PLEKHH3: variants seen among roughly 807,000 people sequenced by gnomAD.
PLEKHH3 encodes the protein pleckstrin homology domain-containing family H member 3.
Under a neutral mutation model 77.8 loss-of-function variants are expected in PLEKHH3, and 57 were observed. The ratio of observed to expected loss-of-function variants is 0.73; its 90% CI spans 0.59 to 0.91. The LOEUF (loss-of-function observed/expected upper bound fraction) is 0.91. Among genes scored for constraint, PLEKHH3 ranks in the 40% least tolerant of loss-of-function variants. The pLI is 0.00. For synonymous variants in PLEKHH3, 467 were observed against 504.8 expected (o/e 0.93, Z 1.00); for missense variants, 1,082 against 1,091.2 (o/e 0.99, Z 0.12).
At position 42,674,369 on chromosome 17, in the gene PLEKHH3, C is replaced by T; in HGVS notation, c.203G>A (p.Gly68Glu). 3 of 1,591,298 alleles carry T rather than the reference C, an allele frequency of 1.9e-6. No homozygotes were observed. The highest frequency in any genetic ancestry group is 2.6e-6 in the Non-Finnish European group (3 of 1,170,048). Residue 68 changes from glycine (G) to glutamate (E), a missense_variant, in exon 2 of 13, where the codon GGG (glycine) becomes GAG (glutamate). Coordinates refer to ENST00000591022, the MANE Select transcript of PLEKHH3 (RefSeq NM_024927.5). ...CGTAGCTCACCTGTTGGAGACAGGCCCGCTCCTCACTGGCTGAGTCAGCGT... is the reference window on the plus strand; with the variant it reads ...CGTAGCTCACCTGTTGGAGACAGGCTCGCTCCTCACTGGCTGAGTCAGCGT... The part of the protein sequence containing the change: ...EVTLTQPVRS[G>E]PVSNRLQSWE...
Position 42,671,502 on chromosome 17 carries a change from T to C in PLEKHH3, c.1133A>G (p.Lys378Arg). 6.2e-7 allele frequency: 1 copy of C among 1,613,038 alleles called. No individual in the cohort carries two copies. Among genetic ancestry groups the C allele is most frequent in the Non-Finnish European group, 8.5e-7 (1 of 1,179,960 alleles). ...TCTGCCGCGCGTCCGGCCCAGCGCT[T>C]TCCGGATGAAGCGCGCATATTCCGC... is the stretch of plus-strand genomic sequence containing the variant. Reference protein sequence around the residue: ...ELAEYARFIRKALGRTRGREL... With the variant: ...ELAEYARFIRRALGRTRGREL... Residue 378 changes from lysine to arginine, a missense_variant, in exon 8 of 13, where the codon AAA becomes AGA. Lys to Arg is a conservative substitution (Grantham distance 26). This residue lies in a region of PLEKHH3 where 733 missense variants were observed against 750.0 expected (regional missense o/e 0.98). Coordinates refer to ENST00000591022, the MANE Select transcript of PLEKHH3 (RefSeq NM_024927.5). The surrounding 1 kb of genome is among the most constrained non-coding windows in gnomAD (Gnocchi z 4.7).
At chr17:42,668,597 A>ACT in intron 12 of PLEKHH3, 1 of 192,174 alleles carries the variant, frequency 5.2e-6, no homozygotes, top group Non-Finnish European at 1.1e-5. Flanking sequence ...AGCTGGGACT[A>ACT]CAGGCGCCCG....
rs1280630667 is a variant in PLEKHH3 at position 42,673,974 on chromosome 17, C to A, written c.258G>T (p.Glu86Asp). The A allele has an allele frequency of 1.2e-6, 2 of 1,613,450 alleles. No individual in the cohort carries two copies. The highest frequency in any genetic ancestry group is 1.7e-6 in the Non-Finnish European group (2 of 1,179,944). The change falls in exon 3 of 13, where the codon GAG becomes GAT. Residue 86 changes from glutamate (E) to aspartate (D), a missense_variant. Around this residue, in one of 3 missense-constraint regions of PLEKHH3, gnomAD observed 344 missense variants for 320.8 expected, o/e 1.07. Transcript: ENST00000591022. The part of the protein sequence containing the change: ...SWEETWSLIP[E>D]KGLPEDDPDI... ...CCGGGTCGTCCTCCGGCAGCCCTTT[C>A]TCCGGGATGAGGCTCCAAGTCTCCT...
rs773505385 is a variant in PLEKHH3 at position 42,670,717 on chromosome 17, GAGCGGACGAAGCGCTAGGGAGA to G, written c.1422-34_1422-13del. On this transcript the variant is annotated splice_polypyrimidine_tract_variant and intron_variant, in intron 9 of 12. Transcript: ENST00000591022. ...CCTCCGCGGCCAAGCTGCAGAAGAG[GAGCGGACGAAGCGCTAGGGAGA>G]AGCCGGACCCCTACGGCGAGGGCAG... The G allele has an allele frequency of 7.0e-5, 113 of 1,609,402 alleles. No homozygotes were observed. The highest frequency in any genetic ancestry group is 9.5e-5 in the Non-Finnish European group (112 of 1,177,238).
intron 9 of PLEKHH3, 51 bp from the exon 10 acceptor site, chr17:42,670,756 C>T: frequency 6.4e-7 from 1 of 1,561,414 alleles, no homozygotes; most frequent in South Asian, 1.1e-5. Context: ...ACCCCTACGG[C>T]GAGGGCAGCT....
chr17:42,671,294 A>T lies in PLEKHH3; in HGVS notation c.1284+57T>A, dbSNP rs1353454938. On this transcript the variant is annotated intron_variant, in intron 8 of 12. Transcript: ENST00000591022. This position sits in a 1 kb window ranked among gnomAD's most constrained non-coding sequence, Gnocchi z 4.7. ...CTAGGGTCCAGGAAGAGGGAGAGAC[A>T]GGCGTGAGAAGCTGGCAGGGTGGGT... 1.9e-6 allele frequency: 3 copies of T among 1,583,280 alleles called. No homozygotes were observed. The African/African-American group carries it at 4.0e-5, about 21-fold the overall frequency.
rs865819275 is a variant in PLEKHH3 at position 42,670,411 on chromosome 17, G to A, written c.1555-35C>T. The A allele has an allele frequency of 2.7e-5, 40 of 1,457,850 alleles. No homozygotes were observed. In the Middle Eastern group the frequency reaches 7.9e-4, roughly 29 times the overall value. The allele number at this position is 1,457,850 out of a possible 1,614,324, so 90.3% of individuals were successfully genotyped here. A position where few individuals can be genotyped will look rare whatever the true frequency, so the allele number is the denominator to read the frequency against. On this transcript the variant is annotated intron_variant, in intron 10 of 12. Transcript: ENST00000591022. ...AGGCACCCGGCGTCAGTGTACGAGC[G>A]GCGGCGGAACCGTCGCGAAAACGCC...
chr17:42,668,469 G>A, intron 12 of PLEKHH3, 166 bp from the exon 13 acceptor site: 1 of 562,422 alleles, frequency 1.8e-6, no homozygotes, highest in Non-Finnish European at 2.8e-6. Context: ...TTTCTTTTTT[G>A]TTTTTTGAGA....
chr17:42,670,483 G>A (rs1384636225), intron 10 of PLEKHH3, 90 bp downstream of exon 10: 1 of 1,525,294 alleles, frequency 6.6e-7, no homozygotes, highest in African/African-American at 1.4e-5. Flanking sequence ...CTCCCGCGGG[G>A]CTGCCATAGT....
At chr17:42,674,670 T>C (rs1219099281) in intron 1 of PLEKHH3, 1 of 386,084 alleles carries the variant, frequency 2.6e-6, no homozygotes, top group Non-Finnish European at 4.6e-6. Context: ...AGGGGTAGGG[T>C]AGGGTGGAAA....
chr17:42,675,789 T>G, intron 1 of PLEKHH3: 1 of 822,164 alleles, frequency 1.2e-6, no homozygotes, highest in South Asian at 5.5e-5. Flanking sequence ...AGCAGCCCAG[T>G]GTCCCTCACC....
At chr17:42,674,455 C>A (rs765813295) in intron 1 of PLEKHH3, 46 bp from the exon 2 acceptor site, 2 of 1,519,232 alleles carry the variant, frequency 1.3e-6, no homozygotes, top group African/African-American at 2.8e-5. Flanking sequence ...GCCCTTCCTG[C>A]GCAAGGTTCG....
At position 42,671,361 on chromosome 17, in the gene PLEKHH3, G is replaced by A. The variant is rs1200363486; in HGVS notation, c.1274C>T (p.Thr425Met). ...TTTCTCTGGCCTCACCTCCCCCGCC[G>A]TGGTGTGGGAGTCGATGGCCACAGC... Reference protein sequence around the residue: ...ACAVAIDSHTTAGEVARELVG... With the variant: ...ACAVAIDSHTMAGEVARELVG... Residue 425 changes from threonine to methionine, a missense_variant, in exon 8 of 13, where the codon ACG (threonine) becomes ATG (methionine). Thr to Met is a moderately conservative substitution (Grantham distance 81, BLOSUM62 -1). Transcript: ENST00000591022. The surrounding 1 kb of genome is among the most constrained non-coding windows in gnomAD (Gnocchi z 4.7). 2 of 1,612,826 alleles carry A rather than the reference G, an allele frequency of 1.2e-6. No homozygotes were observed. The highest frequency in any genetic ancestry group is 1.7e-6 in the Non-Finnish European group (2 of 1,179,880).
At chr17:42,673,339 T>C (rs1255886302) in intron 5 of PLEKHH3, 43 bp from the exon 6 acceptor site, 2 of 1,605,432 alleles carry the variant, frequency 1.2e-6, no homozygotes, top group Non-Finnish European at 1.7e-6. Flanking sequence ...GGAAGGGAGT[T>C]CCTCACAACC....
At position 42,676,305 on chromosome 17, in the gene PLEKHH3, A is replaced by C; in HGVS notation, c.162+97T>G. 6.4e-7 allele frequency: 1 copy of C among 1,558,162 alleles called. No homozygotes were observed. The highest frequency in any genetic ancestry group is 8.7e-7 in the Non-Finnish European group (1 of 1,152,590). On this transcript the variant is annotated intron_variant, in intron 1 of 12. Transcript: ENST00000591022. The surrounding 1 kb of genome is among the most constrained non-coding windows in gnomAD (Gnocchi z 6.6). ...AACTCTCCCTCATCCCTAGTTCGCC[A>C]AGCGCGCAGCGTGTGGCTGGAGGCT...
chr17:42,676,308 C>G lies in PLEKHH3; in HGVS notation c.162+94G>C. 1.3e-6 allele frequency: 2 copies of G among 1,561,096 alleles called. No homozygotes were observed. The highest frequency in any genetic ancestry group is 1.7e-6 in the Non-Finnish European group (2 of 1,153,678). On this transcript the variant is annotated intron_variant, in intron 1 of 12. Transcript: ENST00000591022. The surrounding 1 kb of genome is among the most constrained non-coding windows in gnomAD (Gnocchi z 6.6). ...TCTCCCTCATCCCTAGTTCGCCAAGCGCGCAGCGTGTGGCTGGAGGCTGGA... is the reference window on the plus strand; with the variant it reads ...TCTCCCTCATCCCTAGTTCGCCAAGGGCGCAGCGTGTGGCTGGAGGCTGGA...
Position 42,669,450 on chromosome 17 carries a change from G to C in PLEKHH3, c.2185C>G (p.Leu729Val), listed in dbSNP as rs779968257. Reference protein sequence around the residue: ...TLALRVGESQLLLQSPQVEEI... With the variant: ...TLALRVGESQVLLQSPQVEEI... ...CTCACCTGGGGGCTCTGCAGGAGGA[G>C]CTGGCTCTCTCCCACCCTCAAGGCC... is the stretch of plus-strand genomic sequence containing the variant. Residue 729 changes from leucine (L) to valine (V), a missense_variant, in exon 12 of 13, where the codon CTC becomes GTC. Transcript: ENST00000591022. 1.9e-6 allele frequency: 3 copies of C among 1,557,144 alleles called. No individual in the cohort carries two copies. Among genetic ancestry groups the C allele is most frequent in the South Asian group, 1.2e-5 (1 of 84,262 alleles).
In PLEKHH3 at chr17:42,676,601, C is replaced by T. The variant is rs2052833896; in HGVS notation, c.-38G>A. Reference sequence around the variant, plus strand: ...CTGCGGATGGGGGCGCGGGCAGCCGCGGCCGAGCAGTAGGGGGTCGGAGGA... The same window carrying T: ...CTGCGGATGGGGGCGCGGGCAGCCGTGGCCGAGCAGTAGGGGGTCGGAGGA... On this transcript the variant is annotated 5_prime_UTR_variant, in exon 1 of 13. Transcript: ENST00000591022. This position sits in a 1 kb window ranked among gnomAD's most constrained non-coding sequence, Gnocchi z 6.6. 8 of 1,539,810 alleles carry T rather than the reference C, an allele frequency of 5.2e-6. No individual in the cohort carries two copies. The highest frequency in any genetic ancestry group is 6.1e-6 in the Non-Finnish European group (7 of 1,144,910).
Position 42,670,380 on chromosome 17 carries a change from C to T in PLEKHH3, c.1555-4G>A. ...CCCGCAGCAGCAGAGCGTGAGCCTG[C>T]AGGGGAGGCACCCGGCGTCAGTGTA... On this transcript the variant is annotated splice_polypyrimidine_tract_variant and splice_region_variant and intron_variant, in intron 10 of 12. Coordinates refer to ENST00000591022, the MANE Select transcript of PLEKHH3 (RefSeq NM_024927.5). 1.4e-6 allele frequency: 2 copies of T among 1,437,196 alleles called. No homozygotes were observed. Among genetic ancestry groups the T allele is most frequent in the Non-Finnish European group, 1.8e-6 (2 of 1,104,612 alleles). The allele number at this position is 1,437,196 out of a possible 1,614,324, so 89.0% of individuals were successfully genotyped here.
Sources: allele counts gnomAD v4.1 joint callset, GRCh38; gene constraint gnomAD v4.1.1; regional missense constraint gnomAD v4.1.1; non-coding constraint Gnocchi (gnomAD v3.1); transcripts MANE v1.5; gene names NCBI Gene and HGNC (gene_info 2026-07-23, HGNC 2026-07-21).